Variants in PHC3 observed in about 807,000 individuals in gnomAD.
PHC3 encodes the protein polyhomeotic-like protein 3.
Under a neutral mutation model 107.4 loss-of-function variants are expected in PHC3, and 13 were observed. The observed-to-expected ratio is 0.12, with a 90% CI of 0.08 to 0.19. The LOEUF (loss-of-function observed/expected upper bound fraction) is 0.19, where lower values mean the gene tolerates loss of function less well. Among genes scored for constraint, PHC3 ranks in the 10% least tolerant of loss-of-function variants. PHC3 has a pLI of 1.00. For synonymous variants in PHC3, 456 were observed against 427.4 expected (o/e 1.07, Z -0.83); for missense variants, 992 against 1,210.9 (o/e 0.82, Z 2.68).
intron 12 of PHC3, among the ~76,000 whole-genome samples, chr3:170,104,208 G>C (rs1324006311): frequency 6.6e-6 from 1 of 151,916 alleles, no homozygotes; most frequent in African/African-American, 2.4e-5. Context: ...ATATTATTTT[G>C]ATTTTTTTCC....
intron 6 of PHC3, among the ~76,000 whole-genome samples, chr3:170,141,708 C>A (rs1724132389): frequency 6.6e-6 from 1 of 152,106 alleles, no homozygotes; most frequent in Admixed American, 6.6e-5. Context: ...ACCTCCTGGG[C>A]TCAAGCAATC....
Position 170,102,515 on chromosome 3 carries a change from C to T in PHC3, c.2797G>A (p.Val933Ile), listed in dbSNP as rs775083281. The T allele has an allele frequency of 2.3e-5, 37 of 1,613,836 alleles. No homozygotes were observed. Among genetic ancestry groups the T allele is most frequent in the Non-Finnish European group, 3.1e-5 (37 of 1,179,816 alleles). The change falls in exon 14 of 15, where the codon GTT becomes ATT. Residue 933 changes from valine (V) to isoleucine (I), a missense_variant. Val to Ile is a conservative substitution (Grantham distance 29). Transcript: ENST00000495893. ...TGGATGAAGGCCCAGACATCATCAA[C>T]TGTCCATATAGATGGCTCTGTTTGT... ...VAQTEPSIWT[V>I]DDVWAFIHSL...
intron 8 of PHC3, among the ~76,000 whole-genome samples, chr3:170,125,225 T>C (rs1034377241): frequency 3.0e-4 from 46 of 152,178 alleles, no homozygotes; most frequent in African/African-American, 1.1e-3. Flanking sequence ...CTAGATCGGT[T>C]CATGATAATA....
chr3:170,126,524 A>ATTTT (rs1411349700), intron 8 of PHC3, among the ~76,000 whole-genome samples: 6 of 80,010 alleles, frequency 7.5e-5, no homozygotes, highest in Non-Finnish European at 1.2e-4. Context: ...ATATATATAT[A>ATTTT]TATATTTTTT....
chr3:170,138,964 T>C (rs1230861590), intron 6 of PHC3, among the ~76,000 whole-genome samples: 2 of 151,648 alleles, frequency 1.3e-5, no homozygotes, highest in African/African-American at 4.8e-5. Context: ...AAACCCATTC[T>C]TCCAAGCCCA....
intron 6 of PHC3, among the ~76,000 whole-genome samples, chr3:170,137,035 T>C (rs553806253): frequency 6.6e-6 from 1 of 152,314 alleles, no homozygotes; most frequent in Non-Finnish European, 1.5e-5. Context: ...GTATTATATA[T>C]GTATGAACTG....
Position 170,149,123 on chromosome 3 carries a change from G to T in PHC3, c.536C>A (p.Thr179Lys). Residue 179 changes from threonine to lysine, a missense_variant, in exon 5 of 15, where the codon ACG becomes AAG. Physicochemically the swap from Thr to Lys is moderately conservative, Grantham distance 78 (BLOSUM62 -1). Coordinates refer to ENST00000495893, the MANE Select transcript of PHC3 (RefSeq NM_024947.4). ...MLLGSTSPTL[T>K]ASQAQMYLRA... ...GAGATACATTTGAGCTTGGCTTGCC[G>T]TTAGGGTAGGGGAAGTACTCCCTAG... is the stretch of plus-strand genomic sequence containing the variant. 6.2e-7 allele frequency: 1 copy of T among 1,613,084 alleles called. No individual in the cohort carries two copies. The highest frequency in any genetic ancestry group is 2.2e-5 in the East Asian group (1 of 44,882).
intron 8 of PHC3, chr3:170,126,056 T>G: frequency 4.3e-6 from 3 of 695,316 alleles, no homozygotes; most frequent in Non-Finnish European, 5.3e-6. Flanking sequence ...CTCAACATAC[T>G]TATATCCAAA....
chr3:170,102,869 C>T lies in PHC3; in HGVS notation c.2534G>A (p.Ser845Asn). Residue 845 changes from serine to asparagine, a missense_variant, in exon 13 of 15, where the codon AGT becomes AAT. By Grantham distance (46) the Ser-to-Asn change is conservative. Transcript: ENST00000495893. Reference sequence around the variant, plus strand: ...TGGACGACGGCCACGATGCCCAAGACTTTGATTATCAGGCTTACGATTCCA... The same window carrying T: ...TGGACGACGGCCACGATGCCCAAGATTTTGATTATCAGGCTTACGATTCCA... ...SRWNRKPDNQSLGHRGRRPSG... is the reference protein window; with the variant it reads ...SRWNRKPDNQNLGHRGRRPSG... 4 of 1,613,786 alleles carry T rather than the reference C, an allele frequency of 2.5e-6. No homozygotes were observed. The highest frequency in any genetic ancestry group is 3.4e-6 in the Non-Finnish European group (4 of 1,179,788).
At chr3:170,112,817 C>G (rs1718096997) in intron 11 of PHC3, among the ~76,000 whole-genome samples, 1 of 152,180 alleles carries the variant, frequency 6.6e-6, no homozygotes, top group Non-Finnish European at 1.5e-5. Flanking sequence ...AGCCATCGTG[C>G]CTGGCCTTAT....
At chr3:170,157,894 G>A (rs1333062011) in intron 4 of PHC3, among the ~76,000 whole-genome samples, 1 of 151,478 alleles carries the variant, frequency 6.6e-6, no homozygotes, top group African/African-American at 2.4e-5. Flanking sequence ...TAATAAAATA[G>A]TCAATGCAGG....
At chr3:170,177,982 T>C (rs1730757901) in intron 2 of PHC3, among the ~76,000 whole-genome samples, 1 of 150,608 alleles carries the variant, frequency 6.6e-6, no homozygotes, top group Non-Finnish European at 1.5e-5. Flanking sequence ...ATAGTATGAT[T>C]ATTAATTAAC....
rs1331150792 is a variant in PHC3, at chr3:170,094,646, T to G, written c.*2584A>C. The G allele has an allele frequency of 6.6e-6, 1 of 152,122 alleles. No individual in the cohort carries two copies. Among genetic ancestry groups the G allele is most frequent in the Non-Finnish European group, 1.5e-5 (1 of 68,010 alleles). The allele number at this position is 152,122 out of a possible 1,614,324, so 9.4% of individuals were successfully genotyped here. On this transcript the variant is annotated 3_prime_UTR_variant, in exon 15 of 15. Transcript: ENST00000495893. ...AAGCTTTGAAATTAAGATGATTAACTCATCTTGAAAGAAACAGCTGCACCA... is the reference window on the plus strand; with the variant it reads ...AAGCTTTGAAATTAAGATGATTAACGCATCTTGAAAGAAACAGCTGCACCA...
chr3:170,180,916 G>T (rs1731281685), intron 1 of PHC3, among the ~76,000 whole-genome samples: 1 of 152,148 alleles, frequency 6.6e-6, no homozygotes, highest in African/African-American at 2.4e-5. Context: ...TGGCACAAAA[G>T]AACAACTTTG....
chr3:170,177,121 C>G (rs1730600804), intron 2 of PHC3, among the ~76,000 whole-genome samples: 1 of 152,232 alleles, frequency 6.6e-6, no homozygotes, highest in Non-Finnish European at 1.5e-5. Flanking sequence ...AATGGATCCT[C>G]CTGCTTAGGG....
At chr3:170,140,590 T>C (rs1238229475) in intron 6 of PHC3, among the ~76,000 whole-genome samples, 8 of 121,502 alleles carry the variant, frequency 6.6e-5, no homozygotes, top group Middle Eastern at 3.7e-3. Flanking sequence ...TTTTCTTTTT[T>C]TTTTTTTTTT....
intron 6 of PHC3, among the ~76,000 whole-genome samples, chr3:170,144,401 T>C (rs1724623944): frequency 6.6e-6 from 1 of 151,960 alleles, no homozygotes; most frequent in Admixed American, 6.6e-5. Flanking sequence ...TAAAGGACAT[T>C]TGGTTGTTTC....
At position 170,093,172 on chromosome 3, in the gene PHC3, C is replaced by T. The variant is rs1297588580; in HGVS notation, c.*4058G>A. On this transcript the variant is annotated 3_prime_UTR_variant, in exon 15 of 15. Transcript: ENST00000495893. Reference sequence around the variant, plus strand: ...CCACTGCCCAAAGGTTGCTCTGGAACATGACTGTCAGGTATCAGAAAGTCC... The same window carrying T: ...CCACTGCCCAAAGGTTGCTCTGGAATATGACTGTCAGGTATCAGAAAGTCC... 1.3e-5 allele frequency: 2 copies of T among 152,284 alleles called. No homozygotes were observed. Among genetic ancestry groups the T allele is most frequent in the African/African-American group, 4.8e-5 (2 of 41,458 alleles). The allele number at this position is 152,284 out of a possible 1,614,324, so 9.4% of individuals were successfully genotyped here.
intron 1 of PHC3, among the ~76,000 whole-genome samples, chr3:170,179,245 T>C (rs954175747): frequency 1.3e-5 from 2 of 152,136 alleles, no homozygotes; most frequent in Non-Finnish European, 2.9e-5. Flanking sequence ...AAACAGGTAA[T>C]GAGAGAATAC....
Sources: allele counts gnomAD v4.1 joint callset (sites outside exome capture counted in the v4.1 genomes callset), GRCh38; gene constraint gnomAD v4.1.1; transcripts MANE v1.5; gene names NCBI Gene and HGNC (gene_info 2026-07-23, HGNC 2026-07-21).